The following ABLIM2 variants were observed in gnomAD, a reference collection of about 807,000 sequenced individuals.
ABLIM2 encodes actin binding LIM protein family member 2.
A neutral mutation model predicts 97.7 loss-of-function variants in ABLIM2; 53 were observed. That is an observed-to-expected ratio of 0.54 (90% CI 0.44 to 0.68). ABLIM2 has a LOEUF of 0.68. Among genes scored for constraint, ABLIM2 ranks in the 30% least tolerant of loss-of-function variants. The probability of loss-of-function intolerance (pLI) is 0.00; values close to 1 mark genes in which losing one functional copy is unlikely to be tolerated. For missense variants in ABLIM2, 835 were observed against 867.2 expected, an observed-to-expected ratio of 0.96 and a Z score of 0.47; for synonymous variants, 361 against 345.8, an observed-to-expected ratio of 1.04 and a Z score of -0.49.
rs529363635 is a variant in ABLIM2, at chr4:7,996,384, C to G, written c.1619-3457G>C. ...TCTACCTGCCTGCCCCTGGAGTCAC[C>G]TGGACAGCGTGCCAGGTTCCCAGTG... On this transcript the variant is annotated intron_variant, in intron 16 of 20. Transcript: ENST00000447017. This position sits in a 1 kb window ranked among gnomAD's most constrained non-coding sequence, Gnocchi z 4.5. 4.6e-5 allele frequency among the ~76,000 whole-genome samples: 7 copies of G among 152,338 alleles called. No individual in the cohort carries two copies. The highest frequency in any genetic ancestry group is 1.3e-4 in the Admixed American group (2 of 15,306).
chr4:8,027,930 C>T, intron 11 of ABLIM2, 73 bp from the exon 12 acceptor site: 1 of 1,095,518 alleles, frequency 9.1e-7, no homozygotes, highest in Non-Finnish European at 1.3e-6. Flanking sequence ...TTCCTCATCC[C>T]CACTCTGCTA....
chr4:8,139,929 G>C (rs1224390399), intron 1 of ABLIM2, among the ~76,000 whole-genome samples: 1 of 152,090 alleles, frequency 6.6e-6, no homozygotes, highest in African/African-American at 2.4e-5. Flanking sequence ...CCATAAAAAA[G>C]GAAAGAGATC....
Position 7,974,429 on chromosome 4 carries a change from ACCCT to A in ABLIM2, c.1825-7330_1825-7327del, listed in dbSNP as rs1410720633. Among the ~76,000 whole-genome samples the A allele has an allele frequency of 2.4e-3, 332 of 137,278 alleles. 4 individuals carry two copies. The highest frequency in any genetic ancestry group is 8.0e-3 in the African/African-American group (302 of 37,722). The allele number at this position is 137,278 out of a possible 152,430, so 90.1% of individuals were successfully genotyped here. A position where few individuals can be genotyped will look rare whatever the true frequency, so the allele number is the denominator to read the frequency against. On this transcript the variant is annotated intron_variant, in intron 20 of 20. Transcript: ENST00000447017. ...CATCCATCCACCAATCCATCCACCC[ACCCT>A]TCCACCCACCCACCCACTCATCCAT...
At chr4:8,079,577 C>T (rs1432005904) in intron 5 of ABLIM2, among the ~76,000 whole-genome samples, 1 of 152,150 alleles carries the variant, frequency 6.6e-6, no homozygotes, top group African/African-American at 2.4e-5. Context: ...AAGATCATTG[C>T]AGATTCCCCA....
chr4:7,985,074 A>C (rs1248608439), intron 17 of ABLIM2, among the ~76,000 whole-genome samples, 181 bp from the exon 18 acceptor site: 1 of 152,116 alleles, frequency 6.6e-6, no homozygotes, highest in Non-Finnish European at 1.5e-5. Flanking sequence ...TGGGAAGGGG[A>C]GAGTCCAGGA....
At position 7,965,541 on chromosome 4, in the gene ABLIM2, G is replaced by C. The variant is rs1722624589; in HGVS notation, c.*1449C>G. On this transcript the variant is annotated 3_prime_UTR_variant, in exon 21 of 21. Coordinates refer to ENST00000447017, the MANE Select transcript of ABLIM2 (RefSeq NM_001130083.2). ...GTGTCATGGGCGCTAAGGAAACGGA[G>C]TAAGGCCGACTCACAGGCAGGAACA... The C allele has an allele frequency of 2.6e-5, 4 of 152,644 alleles. No homozygotes were observed. In the South Asian group the frequency reaches 8.3e-4, roughly 32 times the overall value. The allele number at this position is 152,644 out of a possible 1,614,324, so 9.5% of individuals were successfully genotyped here. A position where few individuals can be genotyped will look rare whatever the true frequency, so the allele number is the denominator to read the frequency against.
rs1436816634 is a variant in ABLIM2, at chr4:8,149,790, T to C, written c.10+8890A>G. Among the ~76,000 whole-genome samples the C allele has an allele frequency of 6.6e-6, 1 of 152,002 alleles. No homozygotes were observed. Among genetic ancestry groups the C allele is most frequent in the Non-Finnish European group, 1.5e-5 (1 of 68,002 alleles). On this transcript the variant is annotated intron_variant, in intron 1 of 20. Transcript: ENST00000447017. The surrounding 1 kb of genome is among the most constrained non-coding windows in gnomAD (Gnocchi z 6.4). The stretch of plus-strand genomic sequence containing the variant: ...AGAAGGCCCGGACCTAGGCTGAGAC[T>C]TCCCCAGCACCTCACACTCAGGACT...
At position 7,969,730 on chromosome 4, in the gene ABLIM2, G is replaced by GACACACACACACACACACACACACAC. The variant is rs56236019; in HGVS notation, c.1825-2653_1825-2628dup. 6.5e-3 allele frequency among the ~76,000 whole-genome samples: 903 copies of GACACACACACACACACACACACACAC among 139,638 alleles called. 31 individuals carry two copies. Among genetic ancestry groups the GACACACACACACACACACACACACAC allele is most frequent in the East Asian group, 0.034 (143 of 4,224 alleles). The allele number at this position is 139,638 out of a possible 152,430, so 91.6% of individuals were successfully genotyped here. On this transcript the variant is annotated intron_variant, in intron 20 of 20. Transcript: ENST00000447017. The stretch of plus-strand genomic sequence containing the variant: ...TCAGTCTCTCTTTCTCTCTCTCTCT[G>GACACACACACACACACACACACACAC]ACACACACACACACACACACACACA...
At position 8,027,793 on chromosome 4, in the gene ABLIM2, G is replaced by A. The variant is rs760135355; in HGVS notation, c.1233C>T (p.Ser411=). The stretch of plus-strand genomic sequence containing the variant: ...AGGGGATGTAATGATGTCTGAACAC[G>A]GATGTAGGGCTTGGGTGTTGGGACA... ...LSLSQHPSPT[S]VFRHHYIPYF... The change falls in exon 12 of 21, where the codon TCC becomes TCT. Residue 411 remains serine (S), a synonymous_variant. Coordinates refer to ENST00000447017, the MANE Select transcript of ABLIM2 (RefSeq NM_001130083.2). 3.1e-6 allele frequency: 5 copies of A among 1,599,230 alleles called. No homozygotes were observed. The East Asian group carries it at 7.0e-5, about 22-fold the overall frequency.
At chr4:8,141,570 T>C (rs906321632) in intron 1 of ABLIM2, among the ~76,000 whole-genome samples, 1 of 152,252 alleles carries the variant, frequency 6.6e-6, no homozygotes, top group African/African-American at 2.4e-5. Context: ...TTTGTAGAGA[T>C]GGAGTATCGC....
At chr4:8,063,309 C>G (rs1580244863) in intron 6 of ABLIM2, among the ~76,000 whole-genome samples, 1 of 152,230 alleles carries the variant, frequency 6.6e-6, no homozygotes, top group African/African-American at 2.4e-5. Context: ...TTGTGATCTG[C>G]CCCCCTTGGC....
chr4:8,100,967 C>T (rs1027129102), intron 2 of ABLIM2, among the ~76,000 whole-genome samples: 29 of 152,186 alleles, frequency 1.9e-4, no homozygotes, highest in Admixed American at 1.3e-4. Flanking sequence ...TTGAAGCGAA[C>T]GAATCAGGTA....
intron 1 of ABLIM2, among the ~76,000 whole-genome samples, chr4:8,135,757 G>T (rs1241558428): frequency 6.6e-6 from 1 of 152,216 alleles, no homozygotes; most frequent in Non-Finnish European, 1.5e-5. Flanking sequence ...CGAAGGACTC[G>T]GCACCCAGCC....
intron 1 of ABLIM2, among the ~76,000 whole-genome samples, chr4:8,114,635 C>A (rs905487029): frequency 6.6e-6 from 1 of 152,188 alleles, no homozygotes; most frequent in East Asian, 1.9e-4. Context: ...TCTCTGGAGC[C>A]GGCCCCATTC....
chr4:7,976,944 C>T (rs1560358289), intron 20 of ABLIM2, among the ~76,000 whole-genome samples: 1 of 152,064 alleles, frequency 6.6e-6, no homozygotes, highest in Non-Finnish European at 1.5e-5. Context: ...TATCCACATA[C>T]ATACATACAC....
At chr4:8,084,737 C>T (rs1822230391) in intron 4 of ABLIM2, among the ~76,000 whole-genome samples, 1 of 152,232 alleles carries the variant, frequency 6.6e-6, no homozygotes, top group Non-Finnish European at 1.5e-5. Flanking sequence ...ATCCCTTTTC[C>T]CCAGGCCAAG....
In ABLIM2 at chr4:8,008,046, A is replaced by G. The variant is rs775367988; in HGVS notation, c.1618+13T>C. On this transcript the variant is annotated intron_variant, in intron 16 of 20. Coordinates refer to ENST00000447017, the MANE Select transcript of ABLIM2 (RefSeq NM_001130083.2). Reference sequence around the variant, plus strand: ...GTGCACATCACGGCTCCTTCTTCAAAAGAACCACTCACGTGAGTGAAAGCT... The same window carrying G: ...GTGCACATCACGGCTCCTTCTTCAAGAGAACCACTCACGTGAGTGAAAGCT... 8.7e-6 allele frequency: 14 copies of G among 1,613,266 alleles called. No individual in the cohort carries two copies. The East Asian group carries it at 3.1e-4, about 36-fold the overall frequency.
chr4:8,126,887 G>A (rs1365107386), intron 1 of ABLIM2, among the ~76,000 whole-genome samples: 1 of 152,026 alleles, frequency 6.6e-6, no homozygotes, highest in Non-Finnish European at 1.5e-5. Context: ...GCAACAAAGT[G>A]AGACCCCGTC....
In ABLIM2 at chr4:8,023,625, G is replaced by C. The variant is rs149639882; in HGVS notation, c.1268-3322C>G. 6.6e-6 allele frequency among the ~76,000 whole-genome samples: 1 copy of C among 152,188 alleles called. No individual in the cohort carries two copies. The highest frequency in any genetic ancestry group is 6.5e-5 in the Admixed American group (1 of 15,278). On this transcript the variant is annotated intron_variant, in intron 12 of 20. Coordinates refer to ENST00000447017, the MANE Select transcript of ABLIM2 (RefSeq NM_001130083.2). The surrounding 1 kb of genome is among the most constrained non-coding windows in gnomAD (Gnocchi z 5.7). The stretch of plus-strand genomic sequence containing the variant: ...CTCTCCCCTCCCACATGGCGCTCTC[G>C]GGAAGGAGCCACTCTGTGTAGCCCA...
Sources: allele counts gnomAD v4.1 joint callset (sites outside exome capture counted in the v4.1 genomes callset), GRCh38; gene constraint gnomAD v4.1.1; non-coding constraint Gnocchi (gnomAD v3.1); transcripts MANE v1.5; gene names NCBI Gene and HGNC (gene_info 2026-07-23, HGNC 2026-07-21).